CCNY: variants seen among roughly 807,000 people sequenced by gnomAD.
The protein encoded by CCNY is cyclin-Y.
Under a neutral mutation model 42.8 loss-of-function variants are expected in CCNY, and 19 were observed. The observed-to-expected ratio is 0.44, with a 90% CI of 0.31 to 0.65. The LOEUF is 0.65. Among genes scored for constraint, CCNY ranks in the 30% least tolerant of loss-of-function variants. CCNY has a pLI of 0.07. For synonymous variants in CCNY, 165 were observed against 162.7 expected (o/e 1.01, Z -0.11); for missense variants, 370 against 437.3 (o/e 0.85, Z 1.37).
Position 35,412,901 on chromosome 10 carries a change from C to T in CCNY, c.155-70503C>T, listed in dbSNP as rs111739100. On this transcript the variant is annotated intron_variant, in intron 1 of 9. Coordinates refer to ENST00000374704, the MANE Select transcript of CCNY (RefSeq NM_145012.6). Reference sequence around the variant, plus strand: ...AAAAAAAAAAAAAGAATTTGCGCGGCGGGCAAGAGGATGTGGATCACGCTT... The same window carrying T: ...AAAAAAAAAAAAAGAATTTGCGCGGTGGGCAAGAGGATGTGGATCACGCTT... Among the ~76,000 whole-genome samples the T allele has an allele frequency of 5.9e-3, 794 of 134,324 alleles. 10 individuals carry two copies. Among genetic ancestry groups the T allele is most frequent in the African/African-American group, 0.021 (720 of 34,364 alleles). The allele number at this position is 134,324 out of a possible 152,430, so 88.1% of individuals were successfully genotyped here.
At chr10:35,340,929 C>T (rs150596488) in intron 1 of CCNY, among the ~76,000 whole-genome samples, 1 of 152,306 alleles carries the variant, frequency 6.6e-6, no homozygotes, top group East Asian at 1.9e-4. Context: ...TGACCACTCT[C>T]AAGACCTCTG....
At chr10:35,495,806 G>A (rs1249914705) in intron 2 of CCNY, among the ~76,000 whole-genome samples, 4 of 152,130 alleles carry the variant, frequency 2.6e-5, no homozygotes, top group Admixed American at 1.3e-4. Context: ...TGTTCATGAC[G>A]ACTTCCCTGT....
intron 1 of CCNY, among the ~76,000 whole-genome samples, chr10:35,429,245 G>A (rs1298703934): frequency 6.6e-6 from 1 of 152,190 alleles, no homozygotes; most frequent in Admixed American, 6.5e-5. Context: ...TCTTAAGCCA[G>A]ACATTTGGTT....
intron 3 of CCNY, among the ~76,000 whole-genome samples, chr10:35,283,841 T>C (rs938713574): frequency 6.6e-6 from 1 of 152,086 alleles, no homozygotes; most frequent in African/African-American, 2.4e-5. Context: ...TCCAACACAT[T>C]GGGAGGCCGA....
At position 35,572,540 on chromosome 10, in the gene CCNY, A is replaced by G. The variant is rs1190852556; in HGVS notation, c.*3370A>G. 6.6e-6 allele frequency: 1 copy of G among 152,132 alleles called. No individual in the cohort carries two copies. The highest frequency in any genetic ancestry group is 2.4e-5 in the African/African-American group (1 of 41,406). 9.4% of individuals were successfully genotyped at this position (152,132 alleles called of 1,614,324 possible). On this transcript the variant is annotated 3_prime_UTR_variant, in exon 10 of 10. Transcript: ENST00000374704. ...AGTGATCCACCCCCCTCAGCCTCCC[A>G]AAGTGCTGAGATTACAGGCGTGAGC...
chr10:35,504,321 GAA>G (rs1424127500), intron 3 of CCNY, among the ~76,000 whole-genome samples: 1 of 152,188 alleles, frequency 6.6e-6, no homozygotes, highest in Non-Finnish European at 1.5e-5. Flanking sequence ...ATAAGCAAGT[GAA>G]AAGAGTGGAC....
At chr10:35,296,991 C>T (rs1354692343) in intron 3 of CCNY, among the ~76,000 whole-genome samples, 1 of 151,634 alleles carries the variant, frequency 6.6e-6, no homozygotes, top group African/African-American at 2.4e-5. Context: ...CCTGGCAAAA[C>T]ACAACAACAA....
At chr10:35,460,757 A>C (rs1839141052) in intron 1 of CCNY, among the ~76,000 whole-genome samples, 2 of 152,220 alleles carry the variant, frequency 1.3e-5, no homozygotes, top group Non-Finnish European at 2.9e-5. Flanking sequence ...ATGGCACGGC[A>C]CAGTATCATA....
intron 1 of CCNY, among the ~76,000 whole-genome samples, chr10:35,366,066 G>A (rs1235091864): frequency 2.0e-5 from 3 of 152,176 alleles, no homozygotes; most frequent in Non-Finnish European, 4.4e-5. Flanking sequence ...TTTAGTAAAT[G>A]CAGACTTCTT....
At chr10:35,427,398 T>A (rs183835650) in intron 1 of CCNY, among the ~76,000 whole-genome samples, 1,538 of 152,094 alleles carry the variant, frequency 0.01, 9 homozygotes, top group Non-Finnish European at 0.014. Flanking sequence ...CACGGTTTTT[T>A]AAAACTTCCT....
At chr10:35,262,151 A>G (rs2095720202) in intron 3 of CCNY, among the ~76,000 whole-genome samples, 1 of 150,444 alleles carries the variant, frequency 6.6e-6, no homozygotes, top group African/African-American at 2.4e-5. Context: ...AGTCCCAGCT[A>G]CTTGGGAAGC....
chr10:35,366,547 A>G (rs889340124), intron 1 of CCNY, among the ~76,000 whole-genome samples: 4 of 152,232 alleles, frequency 2.6e-5, no homozygotes, highest in Admixed American at 1.3e-4. Context: ...CTGTATTAAC[A>G]GAGATGGGAG....
intron 4 of CCNY, among the ~76,000 whole-genome samples, chr10:35,521,351 G>A (rs1840542230): frequency 6.6e-6 from 1 of 152,138 alleles, no homozygotes; most frequent in Admixed American, 6.5e-5. Context: ...TTCTTTCTGT[G>A]TCCTAACCGA....
chr10:35,261,884 G>A (rs1271037493), intron 3 of CCNY, among the ~76,000 whole-genome samples: 1 of 152,006 alleles, frequency 6.6e-6, no homozygotes, highest in Non-Finnish European at 1.5e-5. Flanking sequence ...AGCCAGGCAT[G>A]GTGGTGCGTG....
At chr10:35,430,165 G>A (rs1172068622) in intron 1 of CCNY, among the ~76,000 whole-genome samples, 2 of 150,934 alleles carry the variant, frequency 1.3e-5, no homozygotes, top group Non-Finnish European at 3.0e-5. Flanking sequence ...GTGAAACCCC[G>A]TCTCTACTAA....
At chr10:35,382,905 C>T (rs1210815998) in intron 1 of CCNY, among the ~76,000 whole-genome samples, 1 of 152,184 alleles carries the variant, frequency 6.6e-6, no homozygotes, top group Non-Finnish European at 1.5e-5. Context: ...AAACAAACTG[C>T]TGCTGTGATA....
chr10:35,408,549 T>C (rs2135242660), intron 1 of CCNY, among the ~76,000 whole-genome samples: 1 of 150,686 alleles, frequency 6.6e-6, no homozygotes, highest in East Asian at 2.0e-4. Flanking sequence ...GGGGAGATTA[T>C]GAAGAACCTT....
chr10:35,296,127 A>G (rs1276294895), intron 3 of CCNY, among the ~76,000 whole-genome samples: 4 of 152,230 alleles, frequency 2.6e-5, no homozygotes, highest in African/African-American at 9.6e-5. Flanking sequence ...CTAGACAAGC[A>G]ACAGCAAACC....
At chr10:35,247,875 C>CAAAAA (rs56166117) in intron 1 of CCNY, among the ~76,000 whole-genome samples, 96 of 56,918 alleles carry the variant, frequency 1.7e-3, no homozygotes, top group East Asian at 2.2e-3. Context: ...GACTCCATCT[C>CAAAAA]AAAAAAAAAA....
Sources: gnomAD v4.1 joint callset for allele counts (sites outside exome capture counted in the v4.1 genomes callset) on GRCh38, gnomAD v4.1.1 for gene constraint, MANE v1.5 for transcripts, NCBI Gene and HGNC (gene_info 2026-07-23, HGNC 2026-07-21) for gene names.